Variants in DOCK7 observed in about 807,000 individuals in gnomAD.
DOCK7 encodes the protein dedicator of cytokinesis 7.
A neutral mutation model predicts 271.0 loss-of-function variants in DOCK7; 138 were observed. That is an observed-to-expected ratio of 0.51 (90% confidence interval 0.44 to 0.59). DOCK7 has a LOEUF of 0.59. Ranked by LOEUF, DOCK7 falls within the 20% of genes least tolerant of loss-of-function variation. The pLI, the probability that DOCK7 is intolerant of heterozygous loss-of-function variation, is 0.00. For synonymous variants in DOCK7, 823 were observed against 876.1 expected, an observed-to-expected ratio of 0.94 and a Z score of 1.07; for missense variants, 2,066 against 2,592.4, an observed-to-expected ratio of 0.80 and a Z score of 4.41.
At chr1:62,686,172 T>TCAGAAGTAAGACC in intron 1 of DOCK7, among the ~76,000 whole-genome samples, 6 of 2,972 alleles carry the variant, frequency 2.0e-3, no homozygotes, top group African/African-American at 2.1e-3. Flanking sequence ...TTTTTTTTTT[T>TCAGAAGTAAGACC]TTTTTTTTTT....
Position 62,634,883 on chromosome 1 carries a change from T to C in DOCK7, c.925A>G (p.Met309Val). ...ACATGTGGACGTAACAACCCTTTCA[T>C]CTGCTCAGAATTAAGGTCAAAATAA... Reference protein sequence around the residue: ...NFYFDLNSEQMKGLLRPHVPP... With the variant: ...NFYFDLNSEQVKGLLRPHVPP... The change falls in exon 9 of 50, where the codon ATG (methionine) becomes GTG (valine). Residue 309 changes from methionine to valine, a missense_variant. Around this residue, in one of 2 missense-constraint regions of DOCK7, gnomAD observed 1,414 missense variants for 1,670.4 expected, o/e 0.85. Coordinates refer to ENST00000635253, the MANE Select transcript of DOCK7 (RefSeq NM_001367561.1). 6.2e-7 allele frequency: 1 copy of C among 1,611,724 alleles called. No individual in the cohort carries two copies. Among genetic ancestry groups the C allele is most frequent in the Non-Finnish European group, 8.5e-7 (1 of 1,178,308 alleles).
At chr1:62,639,487 T>C (rs1655722596) in intron 7 of DOCK7, among the ~76,000 whole-genome samples, 2 of 131,092 alleles carry the variant, frequency 1.5e-5, no homozygotes. Flanking sequence ...CAGGCTGGAG[T>C]GCAGTGGCTC....
At chr1:62,567,020 T>A (rs557835337) in intron 18 of DOCK7, among the ~76,000 whole-genome samples, 5 of 152,304 alleles carry the variant, frequency 3.3e-5, no homozygotes, top group African/African-American at 4.8e-5. Context: ...CCAGTTAGAA[T>A]GGCGATCATT....
At chr1:62,532,080 T>C (rs1645191975) in intron 29 of DOCK7, among the ~76,000 whole-genome samples, 1 of 152,146 alleles carries the variant, frequency 6.6e-6, no homozygotes, top group Admixed American at 6.5e-5. Flanking sequence ...TCTTGCTCTG[T>C]TGTCTAGGCT....
At chr1:62,473,739 C>T (rs1256652631) in intron 48 of DOCK7, among the ~76,000 whole-genome samples, 4 of 151,958 alleles carry the variant, frequency 2.6e-5, no homozygotes, top group Non-Finnish European at 4.4e-5. Flanking sequence ...GCACAACCTA[C>T]ACTTGGCTAA....
At chr1:62,671,927 T>C (rs1220073566) in intron 1 of DOCK7, among the ~76,000 whole-genome samples, 2 of 147,204 alleles carry the variant, frequency 1.4e-5, no homozygotes, top group Non-Finnish European at 3.0e-5. Context: ...ATAAAGTTAC[T>C]ATGAGAAGCA....
chr1:62,582,488 T>C (rs541570942), intron 16 of DOCK7, among the ~76,000 whole-genome samples: 7 of 127,920 alleles, frequency 5.5e-5, no homozygotes, highest in Non-Finnish European at 3.1e-5. Context: ...AGGCGGAGCT[T>C]GCAGTAAGCC....
intron 18 of DOCK7, among the ~76,000 whole-genome samples, chr1:62,576,902 T>C (rs1425201093): frequency 3.9e-5 from 6 of 152,336 alleles, no homozygotes; most frequent in East Asian, 3.9e-4. Context: ...TCCAGTCTTT[T>C]AGTGAAATGT....
intron 21 of DOCK7, among the ~76,000 whole-genome samples, chr1:62,554,934 T>A (rs994258816): frequency 5.9e-5 from 9 of 152,244 alleles, no homozygotes; most frequent in Non-Finnish European, 1.0e-4. Flanking sequence ...TTATGTCTAG[T>A]GTTCATAACG....
chr1:62,607,745 G>A (rs922827120), intron 14 of DOCK7: 1 of 152,012 alleles, frequency 6.6e-6, no homozygotes, highest in African/African-American at 2.4e-5. Flanking sequence ...TTAAATCTTA[G>A]AATTTTACTT....
At chr1:62,622,581 G>A (rs1653398342) in intron 12 of DOCK7, among the ~76,000 whole-genome samples, 1 of 151,968 alleles carries the variant, frequency 6.6e-6, no homozygotes. Context: ...AGCCTCCCAA[G>A]TAGCTGGGAC....
rs1645470788 is a variant in DOCK7, at chr1:62,539,895, G to A, written c.3046-3C>T. 2 of 1,558,648 alleles carry A rather than the reference G, an allele frequency of 1.3e-6. No individual in the cohort carries two copies. Among genetic ancestry groups the A allele is most frequent in the Admixed American group, 2.0e-5 (1 of 50,068 alleles). ...AAATGGTGCACCATGCTCTTTACCT[G>A]AAAAAAAGATATAAATTATTAATTT... is the stretch of plus-strand genomic sequence containing the variant. On this transcript the variant is annotated splice_region_variant and splice_polypyrimidine_tract_variant and intron_variant, in intron 25 of 49. Coordinates refer to ENST00000635253, the MANE Select transcript of DOCK7 (RefSeq NM_001367561.1).
chr1:62,629,365 T>C (rs924183189), intron 11 of DOCK7: 1 of 152,112 alleles, frequency 6.6e-6, no homozygotes, highest in Non-Finnish European at 1.5e-5. Context: ...TAAATAAATA[T>C]AGTATATCAA....
intron 31 of DOCK7, among the ~76,000 whole-genome samples, chr1:62,515,136 GAA>G (rs995486937): frequency 2.6e-4 from 26 of 99,482 alleles, no homozygotes; most frequent in African/African-American, 8.6e-4. Context: ...TCATCTTACA[GAA>G]AAAAAAAAAA....
chr1:62,648,648 T>C lies in DOCK7; in HGVS notation c.390-104A>G, dbSNP rs1656968031. The stretch of plus-strand genomic sequence containing the variant: ...TAAGCCAAGTGTTTTCTGCATTATT[T>C]CTTTATGTAATAAGAATCTATTCTA... On this transcript the variant is annotated intron_variant, in intron 4 of 49. Transcript: ENST00000635253. The C allele has an allele frequency of 6.8e-6, 4 of 586,128 alleles. No individual in the cohort carries two copies. The South Asian group carries it at 2.4e-4, about 35-fold the overall frequency. 36.3% of individuals were successfully genotyped at this position (586,128 alleles called of 1,614,324 possible).
rs189434226 is a variant in DOCK7, at chr1:62,644,337, T to C, written c.818+3354A>G. Among the ~76,000 whole-genome samples, 6 of 152,334 alleles carry C rather than the reference T, an allele frequency of 3.9e-5. No homozygotes were observed. The East Asian group carries it at 9.6e-4, about 24-fold the overall frequency. On this transcript the variant is annotated intron_variant, in intron 7 of 49. Coordinates refer to ENST00000635253, the MANE Select transcript of DOCK7 (RefSeq NM_001367561.1). ...ATTTTTTCCTGTTTCCTGTCTGACT[T>C]TTCCCTGCCAGAGCCGAAGTTGCAG...
intron 7 of DOCK7, among the ~76,000 whole-genome samples, chr1:62,639,286 T>C (rs2149651962): frequency 6.6e-6 from 1 of 152,156 alleles, no homozygotes; most frequent in East Asian, 1.9e-4. Context: ...TTCAGAAAAT[T>C]AGAGGCCAAG....
At chr1:62,508,642 T>C (rs1644385413) in intron 34 of DOCK7, among the ~76,000 whole-genome samples, 1 of 152,202 alleles carries the variant, frequency 6.6e-6, no homozygotes, top group South Asian at 2.1e-4. Flanking sequence ...TTAGCTTGCC[T>C]GTGGTAATCA....
intron 18 of DOCK7, among the ~76,000 whole-genome samples, chr1:62,567,059 C>A (rs575418514): frequency 3.3e-5 from 5 of 152,076 alleles, no homozygotes; most frequent in Non-Finnish European, 7.4e-5. Flanking sequence ...AGATGCTGGA[C>A]AGGATGTGGA....
Sources: allele counts gnomAD v4.1 joint callset (sites outside exome capture counted in the v4.1 genomes callset), GRCh38; gene constraint gnomAD v4.1.1; regional missense constraint gnomAD v4.1.1; transcripts MANE v1.5; gene names NCBI Gene and HGNC (gene_info 2026-07-23, HGNC 2026-07-21).